The following CDC14B variants were observed in gnomAD, a reference collection of about 807,000 sequenced individuals.
CDC14B encodes the protein cell division cycle 14B, also known as dual specificity protein phosphatase CDC14B.
In CDC14B, 22 loss-of-function variants were observed where a neutral mutation model predicts 64.2. The observed-to-expected ratio is 0.34, with a 90% confidence interval of 0.24 to 0.49. The LOEUF (loss-of-function observed/expected upper bound fraction) is 0.49. CDC14B is among the 20% of genes least tolerant of loss of function. The pLI is 0.99. For synonymous variants in CDC14B, 191 were observed against 215.8 expected (o/e 0.89, Z 1.01); for missense variants, 498 against 629.9 (o/e 0.79, Z 2.24).
chr9:96,533,864 C>T (rs1838885290), intron 9 of CDC14B, 63 bp downstream of exon 9: 4 of 972,314 alleles, frequency 4.1e-6, no homozygotes, highest in Admixed American at 3.3e-5. Flanking sequence ...TGAATATGGT[C>T]TGTTTCTACA....
chr9:96,617,481 CCG>C (rs1170698913), intron 1 of CDC14B, among the ~76,000 whole-genome samples: 1 of 152,036 alleles, frequency 6.6e-6, no homozygotes, highest in African/African-American at 2.4e-5. Context: ...ATTCATAAAA[CCG>C]TATGTACATT....
At chr9:96,575,655 CA>C (rs967734311) in intron 1 of CDC14B, among the ~76,000 whole-genome samples, 143 of 151,332 alleles carry the variant, frequency 9.4e-4, no homozygotes, top group Middle Eastern at 3.4e-3. Flanking sequence ...TTTTAAAATG[CA>C]AAAAAAATCA....
rs529291478 is a variant in CDC14B at position 96,502,586 on chromosome 9, C to T, written c.*1167G>A. The stretch of plus-strand genomic sequence containing the variant: ...GTGAGTACTATATATTCTTTTATTT[C>T]GGGCCCCATTTTTTTTTTTTTTTTT... On this transcript the variant is annotated 3_prime_UTR_variant, in exon 14 of 14. Transcript: ENST00000375241. The T allele has an allele frequency of 5.2e-4, 129 of 247,012 alleles. 1 individual carries two copies. In the East Asian group the frequency reaches 5.8e-3, roughly 11 times the overall value. 15.3% of individuals were successfully genotyped at this position (247,012 alleles called of 1,614,324 possible). A position where few individuals can be genotyped will look rare whatever the true frequency, so the allele number is the denominator to read the frequency against.
At chr9:96,494,907 T>G (rs1459450106) in intron 13 of CDC14B, among the ~76,000 whole-genome samples, 1 of 149,762 alleles carries the variant, frequency 6.7e-6, no homozygotes, top group Non-Finnish European at 1.5e-5. Context: ...CGATCTCGGC[T>G]CACTGCAAGC....
At position 96,592,724 on chromosome 9, in the gene CDC14B, G is replaced by A. The variant is rs141917142; in HGVS notation, c.160+26495C>T. ...GGAGGTGGAGGTTGCATTGAGCCAA[G>A]ATCGCGCCACTGCAGTCCAGCTTGA... On this transcript the variant is annotated intron_variant, in intron 1 of 13. Transcript: ENST00000375241. 3.0e-4 allele frequency among the ~76,000 whole-genome samples: 46 copies of A among 152,232 alleles called. No homozygotes were observed. In the East Asian group the frequency reaches 8.9e-3, roughly 29 times the overall value.
At chr9:96,512,788 C>T (rs7874827) in intron 12 of CDC14B, among the ~76,000 whole-genome samples, 1 of 152,152 alleles carries the variant, frequency 6.6e-6, no homozygotes, top group Admixed American at 6.5e-5. Flanking sequence ...TGCCACTGTT[C>T]TCATCCGCTC....
chr9:96,611,810 G>A (rs1046893137), intron 1 of CDC14B, among the ~76,000 whole-genome samples: 7 of 152,160 alleles, frequency 4.6e-5, no homozygotes, highest in Non-Finnish European at 1.0e-4. Flanking sequence ...TTGGATAATC[G>A]TCTGTGAAAC....
At chr9:96,494,073 T>C (rs1396461183) in intron 13 of CDC14B, among the ~76,000 whole-genome samples, 1 of 152,216 alleles carries the variant, frequency 6.6e-6, no homozygotes, top group Non-Finnish European at 1.5e-5. Context: ...GAGCGTTTGC[T>C]TGAGAGCCTG....
At chr9:96,557,986 A>G (rs1246860967) in intron 4 of CDC14B, among the ~76,000 whole-genome samples, 1 of 152,250 alleles carries the variant, frequency 6.6e-6, no homozygotes, top group Non-Finnish European at 1.5e-5. Flanking sequence ...TAACCCATAG[A>G]AGAGATGAAT....
At chr9:96,537,562 C>G (rs765157248) in intron 7 of CDC14B, among the ~76,000 whole-genome samples, 18 of 152,140 alleles carry the variant, frequency 1.2e-4, no homozygotes, top group Non-Finnish European at 2.4e-4. Context: ...GCCAAACTGG[C>G]AGGTCAAAGT....
At chr9:96,549,005 A>G (rs1841398342) in intron 5 of CDC14B, among the ~76,000 whole-genome samples, 1 of 152,200 alleles carries the variant, frequency 6.6e-6, no homozygotes, top group Admixed American at 6.5e-5. Context: ...TGTCATTTCT[A>G]TCAAAATATT....
intron 12 of CDC14B, among the ~76,000 whole-genome samples, chr9:96,520,951 A>G (rs1388221605): frequency 6.6e-6 from 1 of 152,180 alleles, no homozygotes; most frequent in East Asian, 1.9e-4. Flanking sequence ...GATTACCTGG[A>G]GCCACCATAA....
At chr9:96,567,351 C>A (rs1844148510) in intron 1 of CDC14B, 1 of 152,864 alleles carries the variant, frequency 6.5e-6, no homozygotes, top group African/African-American at 2.4e-5. Context: ...CCAGGAGGTG[C>A]TGCAGCCGCG....
intron 1 of CDC14B, among the ~76,000 whole-genome samples, chr9:96,600,793 G>A (rs112973078): frequency 0.029 from 4,452 of 152,044 alleles, 200 homozygotes; most frequent in African/African-American, 0.1. Flanking sequence ...GTGAGCCACC[G>A]CACCCGGCCT....
intron 12 of CDC14B, 71 bp from the exon 13 acceptor site, chr9:96,509,860 A>G (rs1371945811): frequency 1.0e-6 from 1 of 966,974 alleles, no homozygotes; most frequent in Non-Finnish European, 1.6e-6. Flanking sequence ...AGAGGAAAGT[A>G]TTTTTGCACT....
chr9:96,506,087 G>A (rs770095632), intron 13 of CDC14B, among the ~76,000 whole-genome samples: 2 of 152,190 alleles, frequency 1.3e-5, no homozygotes, highest in South Asian at 2.1e-4. Context: ...AAAATGGAAG[G>A]TCAAGTTCCC....
Position 96,579,388 on chromosome 9 carries a change from C to A in CDC14B, c.161-13905G>T, listed in dbSNP as rs144700532. Among the ~76,000 whole-genome samples the A allele has an allele frequency of 5.2e-3, 797 of 151,860 alleles. 11 individuals are homozygous for A. Among genetic ancestry groups the A allele is most frequent in the East Asian group, 0.03 (152 of 5,058 alleles). ...AGATCACAAGGTCAAGAGATTAAGA[C>A]CATCCTGGCTAACACAGTGAAACCC... On this transcript the variant is annotated intron_variant, in intron 1 of 13. Coordinates refer to ENST00000375241, the MANE Select transcript of CDC14B (RefSeq NM_033331.4).
intron 1 of CDC14B, among the ~76,000 whole-genome samples, chr9:96,572,784 C>T (rs1844550158): frequency 6.6e-6 from 1 of 152,202 alleles, no homozygotes; most frequent in African/African-American, 2.4e-5. Context: ...AAGAGAACTT[C>T]CTTAAGCTGA....
intron 1 of CDC14B, among the ~76,000 whole-genome samples, chr9:96,571,770 T>C (rs532914992): frequency 6.6e-6 from 1 of 151,296 alleles, no homozygotes; most frequent in East Asian, 1.9e-4. Context: ...CAGAGTCTCT[T>C]TGATGTTTTC....
Sources: gnomAD v4.1 joint callset for allele counts (sites outside exome capture counted in the v4.1 genomes callset) on GRCh38, gnomAD v4.1.1 for gene constraint, MANE v1.5 for transcripts, NCBI Gene and HGNC (gene_info 2026-07-23, HGNC 2026-07-21) for gene names.